The following ATP8A1 variants were observed in gnomAD, a reference collection of about 807,000 sequenced individuals.
ATP8A1 encodes the protein phospholipid-transporting ATPase IA.
Under a neutral mutation model 177.7 loss-of-function variants are expected in ATP8A1, and 90 were observed. The ratio of observed to expected loss-of-function variants is 0.51; its 90% confidence interval spans 0.43 to 0.60. The LOEUF is 0.60. ATP8A1 is among the 20% of genes least tolerant of loss of function. The pLI is 0.00. For missense variants in ATP8A1, 1,072 were observed against 1,392.8 expected, an observed-to-expected ratio of 0.77 and a Z score of 3.67; for synonymous variants, 493 against 485.9, an observed-to-expected ratio of 1.01 and a Z score of -0.19.
At chr4:42,507,798 A>AAAC (rs751600291) in intron 22 of ATP8A1, among the ~76,000 whole-genome samples, 3 of 124,652 alleles carry the variant, frequency 2.4e-5, no homozygotes, top group East Asian at 2.9e-4. Flanking sequence ...AAAAAAAAAA[A>AAAC]AAAAAAAAAA....
intron 20 of ATP8A1, among the ~76,000 whole-genome samples, chr4:42,531,073 G>A (rs1578115268): frequency 6.6e-6 from 1 of 152,186 alleles, no homozygotes; most frequent in East Asian, 1.9e-4. Context: ...GAGTTACAGT[G>A]TTGGCTGGGG....
At chr4:42,601,782 CA>C (rs1310577201) in intron 5 of ATP8A1, among the ~76,000 whole-genome samples, 1 of 152,082 alleles carries the variant, frequency 6.6e-6, no homozygotes, top group African/African-American at 2.4e-5. Flanking sequence ...TTTATAGGTA[CA>C]AAAACAGATT....
rs1430807807 is a variant in ATP8A1 at position 42,412,763 on chromosome 4, T to C, written c.*153A>G. 1.3e-5 allele frequency: 8 copies of C among 623,034 alleles called. No homozygotes were observed. The highest frequency in any genetic ancestry group is 2.0e-5 in the Non-Finnish European group (7 of 353,438). The allele number at this position is 623,034 out of a possible 1,614,324, so 38.6% of individuals were successfully genotyped here. A position where few individuals can be genotyped will look rare whatever the true frequency, so the allele number is the denominator to read the frequency against. ...TACAGTTGCACAGTGCTTATGTCTA[T>C]AATATACATGAATCTGAATGTCCAT... On this transcript the variant is annotated 3_prime_UTR_variant, in exon 37 of 37. Coordinates refer to ENST00000381668, the MANE Select transcript of ATP8A1 (RefSeq NM_006095.2).
At chr4:42,632,497 T>G (rs1006769120) in intron 1 of ATP8A1, among the ~76,000 whole-genome samples, 2 of 152,180 alleles carry the variant, frequency 1.3e-5, no homozygotes, top group African/African-American at 2.4e-5. Flanking sequence ...GGTCGTAAAA[T>G]GGCCAAATGC....
At chr4:42,453,400 G>T (rs927038937) in intron 29 of ATP8A1, among the ~76,000 whole-genome samples, 7 of 152,150 alleles carry the variant, frequency 4.6e-5, no homozygotes, top group Admixed American at 1.3e-4. Context: ...AAACAGGGTT[G>T]GCAACTCGTG....
chr4:42,501,963 C>T (rs750131955), intron 24 of ATP8A1, among the ~76,000 whole-genome samples: 4 of 152,080 alleles, frequency 2.6e-5, no homozygotes, highest in Non-Finnish European at 4.4e-5. Flanking sequence ...AACTGCTACT[C>T]GAACTGCTAA....
At position 42,576,324 on chromosome 4, in the gene ATP8A1, A is replaced by G. The variant is rs868303259; in HGVS notation, c.1129-625T>C. 1.2e-3 allele frequency among the ~76,000 whole-genome samples: 187 copies of G among 151,780 alleles called. 1 individual carries two copies. Among genetic ancestry groups the G allele is most frequent in the African/African-American group, 4.1e-3 (169 of 41,392 alleles). On this transcript the variant is annotated intron_variant, in intron 12 of 36. Transcript: ENST00000381668. ...GTCTCTACTAAAAAAAAATACAAAA[A>G]AATCAGCCGGGAGTGGTGGCAGGCA...
chr4:42,547,185 C>T (rs143299405), intron 19 of ATP8A1, among the ~76,000 whole-genome samples: 2 of 152,282 alleles, frequency 1.3e-5, no homozygotes, highest in African/African-American at 4.8e-5. Flanking sequence ...TTCCTATTCC[C>T]ACTTCTGCCA....
chr4:42,443,743 C>A, intron 32 of ATP8A1, 71 bp from the exon 33 acceptor site: 1 of 718,582 alleles, frequency 1.4e-6, no homozygotes, highest in Non-Finnish European at 2.5e-6. Context: ...ATGAAACTCT[C>A]TCAAATTCCC....
At chr4:42,502,439 C>T (rs763142217) in intron 24 of ATP8A1, among the ~76,000 whole-genome samples, 1 of 152,128 alleles carries the variant, frequency 6.6e-6, no homozygotes, top group Non-Finnish European at 1.5e-5. Context: ...AAAGAACATG[C>T]TTATCCAAGA....
intron 1 of ATP8A1, among the ~76,000 whole-genome samples, chr4:42,629,481 A>C (rs1281429996): frequency 3.9e-5 from 6 of 152,246 alleles, no homozygotes; most frequent in Non-Finnish European, 8.8e-5. Flanking sequence ...GGAGATCTGC[A>C]CTGAAAGCAG....
chr4:42,574,504 A>T, intron 14 of ATP8A1, 115 bp downstream of exon 14: 1 of 766,684 alleles, frequency 1.3e-6, no homozygotes, highest in Non-Finnish European at 2.1e-6. Context: ...TGCTTTTCAG[A>T]CTAAAAAAAA....
chr4:42,455,178 T>A, intron 29 of ATP8A1, 119 bp downstream of exon 29: 2 of 1,276,522 alleles, frequency 1.6e-6, no homozygotes, highest in Non-Finnish European at 2.1e-6. Flanking sequence ...CCATAGTCGG[T>A]ACCCTGGAGT....
chr4:42,432,565 GC>G (rs1326264993), intron 33 of ATP8A1, among the ~76,000 whole-genome samples: 1 of 152,212 alleles, frequency 6.6e-6, no homozygotes, highest in African/African-American at 2.4e-5. Flanking sequence ...AGAGGCCCGA[GC>G]CTTCCAGTCT....
At chr4:42,443,405 A>G (rs957731968) in intron 33 of ATP8A1, among the ~76,000 whole-genome samples, 160 bp downstream of exon 33, 2 of 152,252 alleles carry the variant, frequency 1.3e-5, no homozygotes, top group Non-Finnish European at 2.9e-5. Context: ...TCTCAAGATT[A>G]ATCACTCGAA....
intron 20 of ATP8A1, among the ~76,000 whole-genome samples, chr4:42,531,417 T>C (rs1345520229): frequency 6.6e-6 from 1 of 152,206 alleles, no homozygotes; most frequent in Non-Finnish European, 1.5e-5. Context: ...AAACAAAGAC[T>C]GTAACTGTCA....
chr4:42,421,078 C>G (rs1227923495), intron 35 of ATP8A1, among the ~76,000 whole-genome samples: 1 of 151,964 alleles, frequency 6.6e-6, no homozygotes, highest in African/African-American at 2.4e-5. Context: ...AGAACTCTTA[C>G]TGTATTCTTT....
chr4:42,555,951 G>A lies in ATP8A1; in HGVS notation c.1413+17C>T. The A allele has an allele frequency of 6.4e-7, 1 of 1,555,124 alleles. No homozygotes were observed. On this transcript the variant is annotated intron_variant, in intron 16 of 36. Transcript: ENST00000381668. Reference sequence around the variant, plus strand: ...TTTTATTCACTAACAAAAAGACAATGGTTTTATGTAACTTACATGATTATT... The same window carrying A: ...TTTTATTCACTAACAAAAAGACAATAGTTTTATGTAACTTACATGATTATT...
intron 24 of ATP8A1, among the ~76,000 whole-genome samples, chr4:42,496,592 A>G (rs1429859220): frequency 6.6e-6 from 1 of 152,188 alleles, no homozygotes; most frequent in Non-Finnish European, 1.5e-5. Context: ...AGAAATTGTT[A>G]CCCAGAACCA....
Sources: gnomAD v4.1 joint callset for allele counts (sites outside exome capture counted in the v4.1 genomes callset) on GRCh38, gnomAD v4.1.1 for gene constraint, MANE v1.5 for transcripts, NCBI Gene and HGNC (gene_info 2026-07-23, HGNC 2026-07-21) for gene names.